Variants in DGKH observed in about 807,000 individuals in gnomAD.
DGKH encodes the protein DAG kinase eta.
Under a neutral mutation model 159.3 loss-of-function variants are expected in DGKH, and 90 were observed. The observed-to-expected ratio is 0.57, with a 90% CI of 0.48 to 0.67. The LOEUF (loss-of-function observed/expected upper bound fraction) is 0.67. Ranked by LOEUF, DGKH falls within the 30% of genes least tolerant of loss-of-function variation. The pLI, the probability that DGKH is intolerant of heterozygous loss-of-function variation, is 0.00. For missense variants in DGKH, 1,181 were observed against 1,506.1 expected (o/e 0.78, Z 3.57); for synonymous variants, 536 against 553.8 (o/e 0.97, Z 0.45).
intron 13 of DGKH, among the ~76,000 whole-genome samples, chr13:42,179,346 G>T (rs1428407596): frequency 1.3e-5 from 2 of 152,158 alleles, no homozygotes; most frequent in Admixed American, 6.5e-5. Context: ...AAACTGCATC[G>T]AATAGAAGAC....
intron 7 of DGKH, among the ~76,000 whole-genome samples, chr13:42,164,503 T>C (rs1956266595): frequency 6.6e-6 from 1 of 152,232 alleles, no homozygotes; most frequent in Non-Finnish European, 1.5e-5. Context: ...CAGGTTTAAT[T>C]ATGCCAGTTT....
chr13:42,127,265 A>G (rs958637824), intron 1 of DGKH, among the ~76,000 whole-genome samples, 198 bp from the exon 2 acceptor site: 28 of 152,194 alleles, frequency 1.8e-4, no homozygotes, highest in African/African-American at 6.5e-4. Flanking sequence ...GAGGGCGGAG[A>G]ACCATGTCAC....
At position 42,218,698 on chromosome 13, in the gene DGKH, G is replaced by A. The variant is rs535030127; in HGVS notation, c.3214-532G>A. Among the ~76,000 whole-genome samples, 5 of 151,912 alleles carry A rather than the reference G, an allele frequency of 3.3e-5. No homozygotes were observed. In the South Asian group the frequency reaches 8.3e-4, roughly 25 times the overall value. ...TAATTTTTGTATTTTTAGTAGAGGC[G>A]GGGTTTCATCATGTTGGCCAGTCTG... On this transcript the variant is annotated intron_variant, in intron 26 of 29. Coordinates refer to ENST00000337343, the MANE Select transcript of DGKH (RefSeq NM_178009.5).
chr13:42,094,629 A>G (rs570585146), intron 1 of DGKH, among the ~76,000 whole-genome samples: 3 of 152,318 alleles, frequency 2.0e-5, no homozygotes, highest in South Asian at 4.2e-4. Flanking sequence ...TGGAGTTAAG[A>G]GCCAAACGTA....
intron 1 of DGKH, among the ~76,000 whole-genome samples, chr13:42,124,820 C>T (rs1317183722): frequency 6.6e-6 from 1 of 152,198 alleles, no homozygotes; most frequent in East Asian, 1.9e-4. Flanking sequence ...TCTTAAGAGT[C>T]TGTGCAAAAT....
chr13:42,107,542 G>C (rs2767389), intron 1 of DGKH, among the ~76,000 whole-genome samples: 102,263 of 151,998 alleles, frequency 0.67, 35,147 homozygotes, highest in African/African-American at 0.81. Context: ...ATTCTGGAGG[G>C]AGGGAGGGAG....
At chr13:42,061,076 A>G (rs555706664) in intron 1 of DGKH, among the ~76,000 whole-genome samples, 71 of 152,184 alleles carry the variant, frequency 4.7e-4, no homozygotes, top group Non-Finnish European at 9.3e-4. Context: ...GTCTCCGAGC[A>G]GAAAGGACTG....
chr13:42,160,454 C>A (rs1209518752), intron 7 of DGKH, among the ~76,000 whole-genome samples: 1 of 152,176 alleles, frequency 6.6e-6, no homozygotes, highest in Non-Finnish European at 1.5e-5. Flanking sequence ...ACCTGAAAGC[C>A]CTTCTCTGGT....
chr13:42,184,326 A>G (rs35966885), intron 13 of DGKH, among the ~76,000 whole-genome samples: 72 of 152,140 alleles, frequency 4.7e-4, no homozygotes, highest in Non-Finnish European at 7.8e-4. Flanking sequence ...TGCATATTTT[A>G]CTGTCATTTG....
chr13:42,093,222 C>T (rs1324617882), intron 1 of DGKH, among the ~76,000 whole-genome samples: 4 of 148,212 alleles, frequency 2.7e-5, no homozygotes, highest in Admixed American at 6.8e-5. Context: ...CCAGCCTGGG[C>T]GTCAGAGCAA....
rs771007822 is a variant in DGKH, at chr13:42,219,674, C to T, written c.3334-12C>T. Reference sequence around the variant, plus strand: ...ATCCTGAAAAAATTATTTTCTTGCTCGATTTGAACAGGAACCTCCTATGGA... The same window carrying T: ...ATCCTGAAAAAATTATTTTCTTGCTTGATTTGAACAGGAACCTCCTATGGA... On this transcript the variant is annotated splice_polypyrimidine_tract_variant and intron_variant, in intron 27 of 29. Transcript: ENST00000337343. The T allele has an allele frequency of 3.1e-6, 5 of 1,605,494 alleles. No individual in the cohort carries two copies. The African/African-American group carries it at 4.0e-5, about 13-fold the overall frequency.
At chr13:42,253,278 C>T (rs968630351) in intron 30 of DGKH, among the ~76,000 whole-genome samples, 6 of 151,970 alleles carry the variant, frequency 3.9e-5, no homozygotes, top group Non-Finnish European at 7.4e-5. Flanking sequence ...GATTAATGCC[C>T]TTATAATAGA....
intron 20 of DGKH, among the ~76,000 whole-genome samples, chr13:42,203,941 C>T (rs985247725): frequency 1.3e-5 from 2 of 152,122 alleles, no homozygotes; most frequent in Non-Finnish European, 2.9e-5. Flanking sequence ...ACTTTTAAAT[C>T]ATGTGAATTT....
chr13:42,166,392 G>A (rs1956315744), intron 8 of DGKH, 123 bp from the exon 9 acceptor site: 1 of 790,712 alleles, frequency 1.3e-6, no homozygotes, highest in South Asian at 3.6e-5. Context: ...TCTCTATTTG[G>A]AGAGCTAAAT....
chr13:42,217,760 T>A (rs1957838030), intron 26 of DGKH, among the ~76,000 whole-genome samples: 1 of 152,124 alleles, frequency 6.6e-6, no homozygotes, highest in African/African-American at 2.4e-5. Flanking sequence ...TCGGCCAGGC[T>A]CAGTGGCTCA....
At chr13:42,055,881 G>A (rs1247843027) in intron 1 of DGKH, among the ~76,000 whole-genome samples, 1 of 152,196 alleles carries the variant, frequency 6.6e-6, no homozygotes, top group African/African-American at 2.4e-5. Context: ...TGGGCACCGT[G>A]GCTCATGCCT....
At chr13:42,041,315 C>T (rs575605916) in intron 1 of DGKH, among the ~76,000 whole-genome samples, 100 of 152,274 alleles carry the variant, frequency 6.6e-4, no homozygotes, top group Non-Finnish European at 1.1e-3. Flanking sequence ...CGAGACCGCG[C>T]CCTGGTCGTC....
At chr13:42,061,192 T>G (rs6561032) in intron 1 of DGKH, among the ~76,000 whole-genome samples, 1 of 152,024 alleles carries the variant, frequency 6.6e-6, no homozygotes, top group Non-Finnish European at 1.5e-5. Flanking sequence ...TTATATAGCA[T>G]GTGTGGAAGG....
At chr13:42,253,993 C>T (rs1348552864) in intron 30 of DGKH, among the ~76,000 whole-genome samples, 1 of 105,048 alleles carries the variant, frequency 9.5e-6, no homozygotes, top group African/African-American at 3.3e-5. Context: ...AGTGGGTTAC[C>T]AAAAAAAAAA....
Sources: gnomAD v4.1 joint callset for allele counts (sites outside exome capture counted in the v4.1 genomes callset) on GRCh38, gnomAD v4.1.1 for gene constraint, MANE v1.5 for transcripts, NCBI Gene and HGNC (gene_info 2026-07-23, HGNC 2026-07-21) for gene names.